MTF2: variants seen among roughly 807,000 people sequenced by gnomAD.
MTF2 encodes metal response element binding transcription factor 2, also known as metal-response element-binding transcription factor 2.
MTF2 carries 11 observed loss-of-function variants against 79.5 expected under a neutral mutation model. The ratio of observed to expected loss-of-function variants is 0.14; its 90% confidence interval spans 0.09 to 0.23. The LOEUF is 0.23. MTF2 is among the 10% of genes least tolerant of loss of function. The pLI is 1.00. For missense variants in MTF2, 486 were observed against 711.2 expected (o/e 0.68, Z 3.60); for synonymous variants, 208 against 232.8 (o/e 0.89, Z 0.97).
Position 93,133,736 on chromosome 1 carries a change from G to T in MTF2, c.1194G>T (p.Lys398Asn). 1.2e-6 allele frequency: 2 copies of T among 1,611,680 alleles called. No individual in the cohort carries two copies. Among genetic ancestry groups the T allele is most frequent in the Non-Finnish European group, 1.7e-6 (2 of 1,179,252 alleles). ...GCAATGGCATAGAAAAAAAAGGAAA[G>T]AAAAAATCTGTAGGTCGTCCACCTG... Reference protein sequence around the residue: ...EVSNGIEKKGKKKSVGRPPGP... With the variant: ...EVSNGIEKKGNKKSVGRPPGP... The change falls in exon 12 of 15, where the codon AAG becomes AAT. Residue 398 changes from lysine (K) to asparagine (N), a missense_variant. By Grantham distance (94) the Lys-to-Asn change is moderately conservative. Around this residue, in one of 4 missense-constraint regions of MTF2, gnomAD observed 209 missense variants for 206.5 expected, o/e 1.01. Transcript: ENST00000370298.
chr1:93,136,717 C>T lies in MTF2; in HGVS notation c.1472C>T (p.Ala491Val). The T allele has an allele frequency of 6.2e-7, 1 of 1,614,168 alleles. No homozygotes were observed. The highest frequency in any genetic ancestry group is 8.5e-7 in the Non-Finnish European group (1 of 1,179,998). Residue 491 changes from alanine to valine, a missense_variant, in exon 15 of 15, where the codon GCT (alanine) becomes GTT (valine). By Grantham distance (64) the Ala-to-Val change is moderately conservative. Coordinates refer to ENST00000370298, the MANE Select transcript of MTF2 (RefSeq NM_007358.4). ...ACGCGTACAGGAAGATCTTGGCCTG[C>T]TGCAATACCACATTTGCGGAGAAGA... ...KRTRTGRSWPAAIPHLRRRRG... is the reference protein window; with the variant it reads ...KRTRTGRSWPVAIPHLRRRRG...
At chr1:93,095,249 C>G (rs1470812141) in intron 1 of MTF2, among the ~76,000 whole-genome samples, 2 of 152,136 alleles carry the variant, frequency 1.3e-5, no homozygotes, top group Non-Finnish European at 2.9e-5. Context: ...TTATATTGAC[C>G]AGGCTGGTTG....
At chr1:93,134,467 C>T (rs1014628227) in intron 14 of MTF2, 2 of 333,406 alleles carry the variant, frequency 6.0e-6, no homozygotes, top group South Asian at 5.5e-5. Flanking sequence ...AAGCTGTGCT[C>T]GTTAGGCTTT....
At chr1:93,107,307 G>A (rs1380652416) in intron 1 of MTF2, among the ~76,000 whole-genome samples, 2 of 151,904 alleles carry the variant, frequency 1.3e-5, no homozygotes, top group Non-Finnish European at 2.9e-5. Context: ...TCATTGCAAC[G>A]TCCGCCTCCC....
intron 1 of MTF2, among the ~76,000 whole-genome samples, chr1:93,105,007 A>T (rs1377700309): frequency 6.6e-6 from 1 of 151,672 alleles, no homozygotes; most frequent in African/African-American, 2.4e-5. Context: ...AGCCGGGTGT[A>T]GTGGCGGGCG....
intron 1 of MTF2, among the ~76,000 whole-genome samples, chr1:93,096,155 G>T (rs1234512964): frequency 6.6e-6 from 1 of 152,136 alleles, no homozygotes; most frequent in Non-Finnish European, 1.5e-5. Flanking sequence ...CATATATTGT[G>T]ATTTAGAATT....
chr1:93,128,829 C>T (rs1210181893), intron 10 of MTF2: 1 of 150,136 alleles, frequency 6.7e-6, no homozygotes, highest in Non-Finnish European at 1.5e-5. Flanking sequence ...TAGGATTTAT[C>T]TCCTGCTTTC....
At chr1:93,130,454 G>A (rs1169901036) in intron 11 of MTF2, among the ~76,000 whole-genome samples, 1 of 152,228 alleles carries the variant, frequency 6.6e-6, no homozygotes, top group East Asian at 1.9e-4. Context: ...GCTTTTGCCT[G>A]TAGTCCCAGC....
intron 1 of MTF2, among the ~76,000 whole-genome samples, chr1:93,090,530 G>A (rs1406965987): frequency 1.3e-5 from 2 of 152,224 alleles, no homozygotes; most frequent in Non-Finnish European, 2.9e-5. Flanking sequence ...TTACAGGCAT[G>A]AGCCACTGTG....
At position 93,136,751 on chromosome 1, in the gene MTF2, T is replaced by G; in HGVS notation, c.1506T>G (p.Arg502=). The change falls in exon 15 of 15, where the codon CGT becomes CGG. Residue 502 remains arginine, a synonymous_variant. Coordinates refer to ENST00000370298, the MANE Select transcript of MTF2 (RefSeq NM_007358.4). ...AIPHLRRRRG[R]LPRRALQTQN... is the part of the protein sequence containing the mutation. ...CACATTTGCGGAGAAGAAGAGGTCG[T>G]CTTCCAAGAAGAGCACTCCAGACTC... 6.2e-7 allele frequency: 1 copy of G among 1,614,176 alleles called. No homozygotes were observed. The highest frequency in any genetic ancestry group is 8.5e-7 in the Non-Finnish European group (1 of 1,180,036).
chr1:93,109,302 T>G (rs888894575), intron 1 of MTF2, among the ~76,000 whole-genome samples: 6 of 152,294 alleles, frequency 3.9e-5, no homozygotes, highest in Admixed American at 2.6e-4. Flanking sequence ...TTTTTTTCCT[T>G]TAAGTACTCT....
chr1:93,108,606 A>ATTTTTTTTT (rs35393630), intron 1 of MTF2, among the ~76,000 whole-genome samples: 2 of 103,494 alleles, frequency 1.9e-5, no homozygotes, highest in Admixed American at 9.6e-5. Flanking sequence ...TGCTTTCAAG[A>ATTTTTTTTT]TTTTTTTTTT....
intron 9 of MTF2, 56 bp downstream of exon 9, chr1:93,120,728 T>C: frequency 3.2e-6 from 5 of 1,568,646 alleles, no homozygotes; most frequent in Non-Finnish European, 4.3e-6. Context: ...TTGTTTTGTT[T>C]TGTTTTTCAA....
intron 1 of MTF2, among the ~76,000 whole-genome samples, chr1:93,098,561 T>C (rs1655394965): frequency 6.6e-6 from 1 of 152,250 alleles, no homozygotes; most frequent in African/African-American, 2.4e-5. Context: ...CATTGGACTT[T>C]TATTATAAAA....
chr1:93,095,899 C>T (rs528664954), intron 1 of MTF2, among the ~76,000 whole-genome samples: 2 of 151,968 alleles, frequency 1.3e-5, no homozygotes, highest in African/African-American at 4.8e-5. Flanking sequence ...TGTGATCCGC[C>T]CACCTTGACC....
chr1:93,114,860 T>C (rs1196365237), intron 4 of MTF2, 77 bp downstream of exon 4: 6 of 1,279,692 alleles, frequency 4.7e-6, no homozygotes, highest in East Asian at 2.4e-5. Flanking sequence ...ATACTTTACA[T>C]TGATAATTTG....
At chr1:93,135,287 T>TA (rs1647344313) in intron 14 of MTF2, among the ~76,000 whole-genome samples, 1 of 152,176 alleles carries the variant, frequency 6.6e-6, no homozygotes, top group Admixed American at 6.5e-5. Context: ...AACTTTTCTC[T>TA]AAAGCACATC....
chr1:93,134,800 A>C (rs1036018886), intron 14 of MTF2, among the ~76,000 whole-genome samples: 23 of 150,936 alleles, frequency 1.5e-4, no homozygotes, highest in Admixed American at 5.3e-4. Flanking sequence ...CTGGGATTAC[A>C]CGCCTGAGCC....
chr1:93,134,277 T>C, intron 14 of MTF2, 82 bp downstream of exon 14: 1 of 1,070,890 alleles, frequency 9.3e-7, no homozygotes, highest in Non-Finnish European at 1.4e-6. Context: ...GAATAATTTT[T>C]TAGCAATTGA....
Sources: gnomAD v4.1 joint callset for allele counts (sites outside exome capture counted in the v4.1 genomes callset) on GRCh38, gnomAD v4.1.1 for gene constraint, gnomAD v4.1.1 regional missense constraint, MANE v1.5 for transcripts, NCBI Gene and HGNC (gene_info 2026-07-23, HGNC 2026-07-21) for gene names.